The following HYDIN variants were observed in gnomAD, a reference collection of about 807,000 sequenced individuals.
HYDIN encodes the protein axonemal central pair apparatus protein HYDIN.
In HYDIN, 132 loss-of-function variants were observed where a neutral mutation model predicts 403.9. That is an observed-to-expected ratio of 0.33 (90% CI 0.28 to 0.38). HYDIN has a LOEUF of 0.38. Ranked by LOEUF, HYDIN falls within the 10% of genes least tolerant of loss-of-function variation. The pLI is 1.00. For missense variants in HYDIN, 2,827 were observed against 5,009.5 expected, an observed-to-expected ratio of 0.56 and a Z score of 13.15; for synonymous variants, 1,202 against 1,891.7, an observed-to-expected ratio of 0.64 and a Z score of 9.46.
At chr16:70,838,724 G>A (rs1266645976) in intron 76 of HYDIN, among the ~76,000 whole-genome samples, 2 of 151,980 alleles carry the variant, frequency 1.3e-5, no homozygotes, top group East Asian at 3.9e-4. Flanking sequence ...TAAAATGGGG[G>A]TAATGATAAC....
intron 13 of HYDIN, among the ~76,000 whole-genome samples, chr16:71,073,397 T>C (rs570428383): frequency 6.6e-6 from 1 of 152,318 alleles, no homozygotes; most frequent in Non-Finnish European, 1.5e-5. Context: ...GATCATTCTG[T>C]GATCATTACA....
At chr16:70,809,347 G>T (rs1371066921) in intron 85 of HYDIN, among the ~76,000 whole-genome samples, 4 of 152,200 alleles carry the variant, frequency 2.6e-5, no homozygotes, top group Non-Finnish European at 5.9e-5. Context: ...TAGCAATCCT[G>T]CAAGGTTGGG....
At chr16:70,859,010 T>G (rs1293450556) in intron 71 of HYDIN, among the ~76,000 whole-genome samples, 2 of 151,182 alleles carry the variant, frequency 1.3e-5, no homozygotes, top group Non-Finnish European at 2.9e-5. Context: ...ACATAGAACT[T>G]TGGAATTTTG....
At position 70,834,829 on chromosome 16, in the gene HYDIN, C is replaced by A. The variant is rs1597077080; in HGVS notation, c.13402-665G>T. 2.7e-5 allele frequency among the ~76,000 whole-genome samples: 4 copies of A among 150,536 alleles called. No homozygotes were observed. In the South Asian group the frequency reaches 8.4e-4, roughly 32 times the overall value. ...CACCAGTGCACTCCAGCCTGGTCGA[C>A]AGAGTGAGACTCCGACTCAAAAAAA... On this transcript the variant is annotated intron_variant, in intron 78 of 85. Transcript: ENST00000393567.
intron 10 of HYDIN, among the ~76,000 whole-genome samples, chr16:71,107,705 A>C (rs2083668041): frequency 6.6e-6 from 1 of 151,964 alleles, no homozygotes; most frequent in Non-Finnish European, 1.5e-5. Context: ...AAAAGGGAAC[A>C]CTTATACACT....
intron 53 of HYDIN, among the ~76,000 whole-genome samples, chr16:70,900,771 C>T (rs1308604079): frequency 1.3e-5 from 2 of 150,092 alleles, no homozygotes; most frequent in African/African-American, 5.0e-5. Context: ...CTTCCTTCCA[C>T]ATTGATTGCT....
intron 1 of HYDIN, among the ~76,000 whole-genome samples, chr16:71,212,954 T>A (rs991132077): frequency 6.6e-6 from 1 of 152,010 alleles, no homozygotes; most frequent in African/African-American, 2.4e-5. Context: ...AGTAAAAAAA[T>A]AATCTCCAAA....
intron 74 of HYDIN, 35 bp downstream of exon 74, chr16:70,850,413 C>T: frequency 1.0e-6 from 1 of 972,940 alleles, no homozygotes; most frequent in Non-Finnish European, 1.5e-6. Flanking sequence ...AGAATGGAAG[C>T]TGAGATAGAT....
At chr16:70,882,162 G>C (rs1436621588) in intron 60 of HYDIN, among the ~76,000 whole-genome samples, 151 of 152,296 alleles carry the variant, frequency 9.9e-4, no homozygotes, top group Middle Eastern at 3.4e-3. Flanking sequence ...CTGTAGAATC[G>C]GGATAATAAT....
At chr16:70,819,278 A>G (rs2036067646) in intron 83 of HYDIN, among the ~76,000 whole-genome samples, 1 of 151,964 alleles carries the variant, frequency 6.6e-6, no homozygotes, top group South Asian at 2.1e-4. Flanking sequence ...ATAGCATCTG[A>G]CACTTAATTA....
chr16:71,175,567 C>T lies in HYDIN; in HGVS notation c.516+40G>A, dbSNP rs370735803. 2.4e-5 allele frequency: 38 copies of T among 1,603,300 alleles called. No individual in the cohort carries two copies. In the African/African-American group the frequency reaches 4.3e-4, roughly 18 times the overall value. On this transcript the variant is annotated intron_variant, in intron 5 of 85. Coordinates refer to ENST00000393567, the MANE Select transcript of HYDIN (RefSeq NM_001270974.2). ...ATATTCAGAATTGAACTGCAATCTG[C>T]CAGTACAAGTGTCCAATTTCTTGCC...
intron 1 of HYDIN, among the ~76,000 whole-genome samples, chr16:71,213,259 G>C (rs919081237): frequency 2.6e-5 from 4 of 151,964 alleles, no homozygotes; most frequent in African/African-American, 9.7e-5. Context: ...GGGGAAACAT[G>C]GTCAACAGTG....
chr16:71,048,252 C>G (rs2081516270), intron 18 of HYDIN, among the ~76,000 whole-genome samples: 1 of 149,766 alleles, frequency 6.7e-6, no homozygotes, highest in South Asian at 2.1e-4. Context: ...TTGATGGACA[C>G]TTAGGTTGGT....
At chr16:70,902,821 A>ATATATTTTTTTTTT in intron 52 of HYDIN, among the ~76,000 whole-genome samples, 1 of 47,314 alleles carries the variant, frequency 2.1e-5, no homozygotes, top group African/African-American at 1.2e-4. Context: ...ATATATATAT[A>ATATATTTTTTTTTT]TTTTTTTTTT....
At position 71,115,706 on chromosome 16, in the gene HYDIN, G is replaced by A. The variant is rs544937612; in HGVS notation, c.1317C>T (p.Cys439=). Reference sequence around the variant, plus strand: ...GGAGGAGGTCACTACCTAAAATGTCGCAGTAAATGGTCTGTTGATAGAGCT... The same window carrying A: ...GGAGGAGGTCACTACCTAAAATGTCACAGTAAATGGTCTGTTGATAGAGCT... ...EAKLYQQTIY[C]DILGREIRLP... Residue 439 remains cysteine, a synonymous_variant, in exon 10 of 86, where the codon TGC becomes TGT. Transcript: ENST00000393567. 1.1e-4 allele frequency: 89 copies of A among 836,182 alleles called. No homozygotes were observed. Among genetic ancestry groups the A allele is most frequent in the Middle Eastern group, 9.1e-4 (4 of 4,374 alleles). 51.8% of individuals were successfully genotyped at this position (836,182 alleles called of 1,614,324 possible).
rs568900204 is a variant in HYDIN, at chr16:71,227,147, A to G, written c.-24+3415T>C. Among the ~76,000 whole-genome samples the G allele has an allele frequency of 1.6e-4, 24 of 149,998 alleles. 1 individual carries two copies. The South Asian group carries it at 4.4e-3, about 28-fold the overall frequency. On this transcript the variant is annotated intron_variant, in intron 1 of 85. Transcript: ENST00000393567. Reference sequence around the variant, plus strand: ...TATATATATGTATATATATATGTGTATGTGTGTGTGTGTGTGTATATATAT... The same window carrying G: ...TATATATATGTATATATATATGTGTGTGTGTGTGTGTGTGTGTATATATAT...
In HYDIN at chr16:70,805,075, A is replaced by C. The variant is rs2035052136; in HGVS notation, c.*2505T>G. ...CTTTTGAAGAGTAGGGTGAGGGACC[A>C]ATTGCTTCCCTTCTCCTAACCTATA... On this transcript the variant is annotated 3_prime_UTR_variant, in exon 86 of 86. Coordinates refer to ENST00000393567, the MANE Select transcript of HYDIN (RefSeq NM_001270974.2). 6.6e-6 allele frequency among the ~76,000 whole-genome samples: 1 copy of C among 152,214 alleles called. No individual in the cohort carries two copies. The highest frequency in any genetic ancestry group is 2.4e-5 in the African/African-American group (1 of 41,458).
intron 1 of HYDIN, among the ~76,000 whole-genome samples, chr16:71,207,811 C>A (rs569071418): frequency 6.6e-6 from 1 of 151,780 alleles, no homozygotes; most frequent in South Asian, 2.1e-4. Flanking sequence ...CAACAAAGAT[C>A]AAAAAGGAAA....
At chr16:70,929,038 C>G (rs951743616) in intron 45 of HYDIN, among the ~76,000 whole-genome samples, 2 of 152,046 alleles carry the variant, frequency 1.3e-5, no homozygotes, top group African/African-American at 4.8e-5. Context: ...ACCTGTAATC[C>G]CAGCATTTTG....
Sources: gnomAD v4.1 joint callset for allele counts (sites outside exome capture counted in the v4.1 genomes callset) on GRCh38, gnomAD v4.1.1 for gene constraint, MANE v1.5 for transcripts, NCBI Gene and HGNC (gene_info 2026-07-23, HGNC 2026-07-21) for gene names.